TMEM135: variants seen among roughly 807,000 people sequenced by gnomAD.
TMEM135 encodes the protein peroxisomal membrane protein 52.
TMEM135 carries 30 observed loss-of-function variants against 60.3 expected under a neutral mutation model. That is an observed-to-expected ratio of 0.50 (90% confidence interval 0.37 to 0.68). TMEM135 has a LOEUF of 0.68. Among genes scored for constraint, TMEM135 ranks in the 30% least tolerant of loss-of-function variants. TMEM135 has a pLI of 0.00. For synonymous variants in TMEM135, 190 were observed against 186.7 expected (o/e 1.02, Z -0.14); for missense variants, 468 against 548.8 (o/e 0.85, Z 1.47).
intron 6 of TMEM135, among the ~76,000 whole-genome samples, chr11:87,271,563 A>G (rs368139002): frequency 7.2e-4 from 2 of 2,780 alleles, no homozygotes; most frequent in Admixed American, 9.8e-4. Flanking sequence ...AAAGAATGCA[A>G]ATATTAATAA....
chr11:87,266,931 G>T (rs956533897), intron 6 of TMEM135, among the ~76,000 whole-genome samples: 3 of 152,304 alleles, frequency 2.0e-5, no homozygotes, highest in Middle Eastern at 3.4e-3. Flanking sequence ...CTCATTATAG[G>T]CATGGAGAAG....
chr11:87,149,894 A>G (rs926705815), intron 4 of TMEM135, among the ~76,000 whole-genome samples: 3 of 152,254 alleles, frequency 2.0e-5, no homozygotes, highest in Non-Finnish European at 2.9e-5. Context: ...TTTTTTCAAA[A>G]TGTAATTAAA....
At chr11:87,096,109 C>CATATATACAAAGAAAT in intron 4 of TMEM135, 2 of 272,014 alleles carry the variant, frequency 7.4e-6, no homozygotes, top group South Asian at 9.6e-5. Context: ...TCTCCTTCAC[C>CATATATACAAAGAAAT]AATATAAAGA....
chr11:87,245,602 G>A (rs1198011090), intron 6 of TMEM135, among the ~76,000 whole-genome samples: 5 of 139,172 alleles, frequency 3.6e-5, no homozygotes, highest in Admixed American at 1.4e-4. Flanking sequence ...TTACCATTAC[G>A]TAATGGCCTT....
chr11:87,295,712 G>GA (rs1453950306), intron 6 of TMEM135, 70 bp from the exon 7 acceptor site: 4 of 1,338,340 alleles, frequency 3.0e-6, no homozygotes, highest in East Asian at 2.3e-5. Context: ...ATTATTTTCA[G>GA]AAAAAAATTG....
chr11:87,310,099 C>T (rs1400717424), intron 10 of TMEM135, among the ~76,000 whole-genome samples: 2 of 151,920 alleles, frequency 1.3e-5, no homozygotes, highest in African/African-American at 2.4e-5. Context: ...TTGATAGAAT[C>T]GGTGAGGATT....
Position 87,242,693 on chromosome 11 carries a change from G to A in TMEM135, c.509+6009G>A, listed in dbSNP as rs1483820645. ...TGATATCCTTTGCCCACTTTTTGAT[G>A]GGGTTGTTTGTTTTTTTCTTGTAAA... On this transcript the variant is annotated intron_variant, in intron 6 of 14. Transcript: ENST00000305494. Among the ~76,000 whole-genome samples, 15 of 143,492 alleles carry A rather than the reference G, an allele frequency of 1.0e-4. No individual in the cohort carries two copies. In the South Asian group the frequency reaches 1.9e-3, roughly 18 times the overall value. 94.1% of individuals were successfully genotyped at this position (143,492 alleles called of 152,430 possible). A position where few individuals can be genotyped will look rare whatever the true frequency, so the allele number is the denominator to read the frequency against.
intron 5 of TMEM135, among the ~76,000 whole-genome samples, chr11:87,188,403 A>G (rs1939705136): frequency 6.6e-6 from 1 of 152,046 alleles, no homozygotes; most frequent in African/African-American, 2.4e-5. Flanking sequence ...GTGGGTAGCT[A>G]AAAAATAATA....
At chr11:87,256,888 C>T (rs553533872) in intron 6 of TMEM135, among the ~76,000 whole-genome samples, 40 of 152,110 alleles carry the variant, frequency 2.6e-4, no homozygotes, top group African/African-American at 8.9e-4. Context: ...CTCCTGCCTT[C>T]ACTTCTTTCC....
intron 5 of TMEM135, among the ~76,000 whole-genome samples, chr11:87,159,507 C>A (rs1178553194): frequency 6.6e-6 from 1 of 151,594 alleles, no homozygotes; most frequent in African/African-American, 2.4e-5. Context: ...TTAGGATAGG[C>A]CACTAATTAG....
chr11:87,233,161 CA>C (rs1940924486), intron 5 of TMEM135, among the ~76,000 whole-genome samples: 1 of 151,384 alleles, frequency 6.6e-6, no homozygotes, highest in Non-Finnish European at 1.5e-5. Context: ...AAAAACAAAG[CA>C]AAACAGAACA....
rs1348637855 is a variant in TMEM135 at position 87,326,019 on chromosome 11, G to A, written c.*4686G>A. 1 of 453,498 alleles carries A rather than the reference G, an allele frequency of 2.2e-6. No individual in the cohort carries two copies. The highest frequency in any genetic ancestry group is 7.0e-5 in the East Asian group (1 of 14,348). The allele number at this position is 453,498 out of a possible 1,614,324, so 28.1% of individuals were successfully genotyped here. Reference sequence around the variant, plus strand: ...CACATACCATCTGGTCACCAACAGGGACATCAGGGCCAAGAGCAGTTTATA... The same window carrying A: ...CACATACCATCTGGTCACCAACAGGAACATCAGGGCCAAGAGCAGTTTATA... On this transcript the variant is annotated 3_prime_UTR_variant, in exon 15 of 15. Transcript: ENST00000305494.
chr11:87,067,672 A>G (rs2135136900), intron 1 of TMEM135, 22 bp from the exon 2 acceptor site: 2 of 1,612,882 alleles, frequency 1.2e-6, no homozygotes, highest in South Asian at 1.1e-5. Flanking sequence ...TGGATTAAAC[A>G]AAAAATCCTT....
intron 4 of TMEM135, among the ~76,000 whole-genome samples, chr11:87,111,666 A>AAAAGAAAAAG (rs58350802): frequency 1.8e-4 from 24 of 130,964 alleles, no homozygotes; most frequent in Middle Eastern, 4.0e-3. Context: ...AAAAAAAAAA[A>AAAAGAAAAAG]AAAAAGAAAA....
Position 87,323,706 on chromosome 11 carries a change from A to G in TMEM135, c.*2373A>G, listed in dbSNP as rs938231345. On this transcript the variant is annotated 3_prime_UTR_variant, in exon 15 of 15. Transcript: ENST00000305494. ...TCATTTCGTTGCTATTTTCTGTTTTAATAAAATCCTAGAACTAGTAGCAAC... is the reference window on the plus strand; with the variant it reads ...TCATTTCGTTGCTATTTTCTGTTTTGATAAAATCCTAGAACTAGTAGCAAC... 2.2e-6 allele frequency: 1 copy of G among 453,068 alleles called. No homozygotes were observed. The highest frequency in any genetic ancestry group is 4.4e-6 in the Non-Finnish European group (1 of 226,594). 28.1% of individuals were successfully genotyped at this position (453,068 alleles called of 1,614,324 possible).
At chr11:87,169,733 A>G (rs1364958160) in intron 5 of TMEM135, among the ~76,000 whole-genome samples, 3 of 152,122 alleles carry the variant, frequency 2.0e-5, no homozygotes, top group African/African-American at 4.8e-5. Flanking sequence ...TGCCCTTAAC[A>G]TATTTTCCTT....
intron 1 of TMEM135, among the ~76,000 whole-genome samples, chr11:87,044,874 C>T (rs1422792943): frequency 6.6e-6 from 1 of 151,776 alleles, no homozygotes; most frequent in Non-Finnish European, 1.5e-5. Flanking sequence ...GTCTCCATCT[C>T]CTGACCTCGT....
At chr11:87,206,617 C>T (rs929133864) in intron 5 of TMEM135, among the ~76,000 whole-genome samples, 5 of 152,070 alleles carry the variant, frequency 3.3e-5, no homozygotes, top group Non-Finnish European at 7.4e-5. Flanking sequence ...CTGTAAACAA[C>T]ACAAACACTT....
At chr11:87,316,362 C>T (rs191388710) in intron 12 of TMEM135, among the ~76,000 whole-genome samples, 9 of 151,350 alleles carry the variant, frequency 5.9e-5, no homozygotes, top group Admixed American at 2.6e-4. Context: ...GGAGGACAGG[C>T]AGGAGCCAGA....
Sources: allele counts gnomAD v4.1 joint callset (sites outside exome capture counted in the v4.1 genomes callset), GRCh38; gene constraint gnomAD v4.1.1; transcripts MANE v1.5; gene names NCBI Gene and HGNC (gene_info 2026-07-23, HGNC 2026-07-21).